Variants in BMPR1B observed in about 807,000 individuals in gnomAD.
BMPR1B encodes bone morphogenetic protein receptor type 1B.
Under a neutral mutation model 59.1 loss-of-function variants are expected in BMPR1B, and 12 were observed. The observed-to-expected ratio is 0.20, with a 90% confidence interval of 0.13 to 0.33. The LOEUF is 0.33. Among genes scored for constraint, BMPR1B ranks in the 10% least tolerant of loss-of-function variants. BMPR1B has a pLI of 1.00. For missense variants in BMPR1B, 550 were observed against 610.9 expected (o/e 0.90, Z 1.05); for synonymous variants, 237 against 207.3 (o/e 1.14, Z -1.23).
chr4:94,811,180 T>C (rs2110638508), intron 1 of BMPR1B, among the ~76,000 whole-genome samples: 1 of 152,360 alleles, frequency 6.6e-6, no homozygotes, highest in Non-Finnish European at 1.5e-5. Context: ...TATTTCTCAT[T>C]GACATAAAGT....
intron 10 of BMPR1B, among the ~76,000 whole-genome samples, chr4:95,142,345 G>A (rs1391879620): frequency 6.6e-6 from 1 of 152,092 alleles, no homozygotes; most frequent in Admixed American, 6.5e-5. Context: ...TGCTGAGAGA[G>A]GATTTAACAT....
chr4:94,892,411 T>C (rs542883930), intron 2 of BMPR1B, among the ~76,000 whole-genome samples: 1 of 152,230 alleles, frequency 6.6e-6, no homozygotes, highest in Non-Finnish European at 1.5e-5. Flanking sequence ...CTTGTAGTTA[T>C]AATTATGTGA....
intron 3 of BMPR1B, among the ~76,000 whole-genome samples, chr4:95,029,068 T>TTCTA (rs1553928885): frequency 2.0e-5 from 3 of 150,682 alleles, no homozygotes; most frequent in African/African-American, 4.9e-5. Flanking sequence ...AACATTTTCT[T>TTCTA]TTTATTTATT....
At chr4:95,078,665 C>A (rs1073308) in intron 3 of BMPR1B, among the ~76,000 whole-genome samples, 16,596 of 152,174 alleles carry the variant, frequency 0.11, 1,266 homozygotes, top group East Asian at 0.28. Flanking sequence ...GTGTTCAGAA[C>A]CCTCTCACAT....
At chr4:95,074,967 T>C (rs1320104295) in intron 3 of BMPR1B, among the ~76,000 whole-genome samples, 1 of 152,116 alleles carries the variant, frequency 6.6e-6, no homozygotes, top group African/African-American at 2.4e-5. Flanking sequence ...CTTTTTTTCA[T>C]GAGGCTTAAC....
intron 1 of BMPR1B, among the ~76,000 whole-genome samples, chr4:94,848,753 G>A (rs1203265390): frequency 2.0e-5 from 3 of 152,162 alleles, no homozygotes; most frequent in Admixed American, 1.3e-4. Flanking sequence ...CTACTGAAGC[G>A]GTTCCAGGTG....
At chr4:94,881,475 CTT>C (rs749452166) in intron 2 of BMPR1B, among the ~76,000 whole-genome samples, 14 of 143,430 alleles carry the variant, frequency 9.8e-5, no homozygotes, top group Non-Finnish European at 9.2e-5. Context: ...AATATTTCAA[CTT>C]TTTTTTTTTT....
intron 1 of BMPR1B, among the ~76,000 whole-genome samples, chr4:94,831,535 C>A (rs978841625): frequency 1.2e-4 from 19 of 152,166 alleles, no homozygotes; most frequent in Admixed American, 1.0e-3. Context: ...AACTTTCAGT[C>A]CTGTAAGCTC....
chr4:94,981,513 A>G (rs1399136842), intron 2 of BMPR1B, among the ~76,000 whole-genome samples: 1 of 152,242 alleles, frequency 6.6e-6, no homozygotes, highest in Non-Finnish European at 1.5e-5. Context: ...TAGTTAAATC[A>G]GTTTTTAACT....
intron 6 of BMPR1B, among the ~76,000 whole-genome samples, chr4:95,116,421 G>GCGCGCGCGCGCGCA: frequency 8.1e-5 from 10 of 123,198 alleles, no homozygotes; most frequent in African/African-American, 3.6e-4. Context: ...TTCAGCGCGC[G>GCGCGCGCGCGCGCA]CACACACACA....
chr4:94,855,162 T>C (rs1368916326), intron 1 of BMPR1B, among the ~76,000 whole-genome samples: 1 of 152,184 alleles, frequency 6.6e-6, no homozygotes, highest in African/African-American at 2.4e-5. Context: ...ATATTGAGAT[T>C]ATTTTATTTT....
At chr4:94,859,396 A>G (rs1725893091) in intron 1 of BMPR1B, among the ~76,000 whole-genome samples, 1 of 152,180 alleles carries the variant, frequency 6.6e-6, no homozygotes, top group Admixed American at 6.5e-5. Context: ...TACAGCACGC[A>G]ATACCCTTCC....
At chr4:94,784,698 CAGTTGATT>C (rs1241510521) in intron 1 of BMPR1B, among the ~76,000 whole-genome samples, 6 of 152,040 alleles carry the variant, frequency 3.9e-5, no homozygotes, top group African/African-American at 1.4e-4. Flanking sequence ...ATACTGGGCC[CAGTTGATT>C]TCTCTGCCCA....
chr4:95,002,010 A>C (rs1211692879), intron 3 of BMPR1B, among the ~76,000 whole-genome samples: 2 of 152,182 alleles, frequency 1.3e-5, no homozygotes, highest in Admixed American at 6.5e-5. Flanking sequence ...AAATTCAGTG[A>C]GTACAGGTAC....
chr4:95,039,922 T>C (rs1725533518), intron 3 of BMPR1B, among the ~76,000 whole-genome samples: 1 of 152,198 alleles, frequency 6.6e-6, no homozygotes, highest in Admixed American at 6.5e-5. Context: ...TCATTGTTTC[T>C]TTTATTTGAA....
At chr4:95,006,384 A>AG (rs1328332113) in intron 3 of BMPR1B, among the ~76,000 whole-genome samples, 3 of 151,634 alleles carry the variant, frequency 2.0e-5, no homozygotes, top group Non-Finnish European at 4.4e-5. Context: ...CTCAAAAAAA[A>AG]AAAAAAGTTT....
intron 3 of BMPR1B, among the ~76,000 whole-genome samples, chr4:95,099,618 G>A (rs914777680): frequency 2.0e-5 from 3 of 151,942 alleles, no homozygotes; most frequent in East Asian, 1.9e-4. Context: ...GCACACACAC[G>A]CACACACACG....
At chr4:94,825,372 G>T (rs1415501229) in intron 1 of BMPR1B, among the ~76,000 whole-genome samples, 1 of 152,044 alleles carries the variant, frequency 6.6e-6, no homozygotes, top group East Asian at 1.9e-4. Context: ...GAGCAGTGTG[G>T]CATATACCTG....
At chr4:94,806,961 AAAT>A (rs1290448415) in intron 1 of BMPR1B, among the ~76,000 whole-genome samples, 3 of 152,128 alleles carry the variant, frequency 2.0e-5, no homozygotes, top group East Asian at 1.9e-4. Context: ...AGTTCATAAT[AAAT>A]AATAAATAGT....
Sources: allele counts gnomAD v4.1 joint callset (sites outside exome capture counted in the v4.1 genomes callset), GRCh38; gene constraint gnomAD v4.1.1; transcripts MANE v1.5; gene names NCBI Gene and HGNC (gene_info 2026-07-23, HGNC 2026-07-21).